The following NLRP14 variants were observed in gnomAD, a reference collection of about 807,000 sequenced individuals.
The protein encoded by NLRP14 is NACHT, LRR and PYD domains-containing protein 14.
Under a neutral mutation model 94.7 loss-of-function variants are expected in NLRP14, and 105 were observed. The observed-to-expected ratio is 1.11, with a 90% CI of 0.95 to 1.30. NLRP14 has a LOEUF of 1.30. Among genes scored for constraint, NLRP14 ranks in the 50% most tolerant of loss-of-function variants. The pLI is 0.00. For missense variants in NLRP14, 1,362 were observed against 1,254.1 expected, an observed-to-expected ratio of 1.09 and a Z score of -1.30; for synonymous variants, 508 against 459.9, an observed-to-expected ratio of 1.10 and a Z score of -1.34.
chr11:7,060,862 A>T (rs12270388), intron 9 of NLRP14, among the ~76,000 whole-genome samples: 7,190 of 152,084 alleles, frequency 0.047, 323 homozygotes, highest in African/African-American at 0.11. Context: ...TGCTGAGAAT[A>T]AAAAAAGAAA....
In NLRP14 at chr11:7,071,189, T is replaced by A; in HGVS notation, c.3163T>A (p.Phe1055Ile). 6.2e-7 allele frequency: 1 copy of A among 1,613,952 alleles called. No individual in the cohort carries two copies. The highest frequency in any genetic ancestry group is 8.5e-7 in the Non-Finnish European group (1 of 1,179,968). ...TTTTCTCAGGTTGTGCAAAGAGGCA[T>A]TTGATGAGGAAGCCCAGAAGCTGCT... is the stretch of plus-strand genomic sequence containing the variant. ...LQVLGLCKEA[F>I]DEEAQKLLEA... is the part of the protein sequence containing the mutation. The change falls in exon 12 of 12, where the codon TTT becomes ATT. Residue 1055 changes from phenylalanine (F) to isoleucine (I), a missense_variant. By Grantham distance (21) the Phe-to-Ile change is conservative. Coordinates refer to ENST00000299481, the MANE Select transcript of NLRP14 (RefSeq NM_176822.4).
intron 10 of NLRP14, among the ~76,000 whole-genome samples, chr11:7,063,587 A>C (rs1034727642): frequency 5.3e-5 from 8 of 152,074 alleles, no homozygotes; most frequent in African/African-American, 1.7e-4. Context: ...CTATGGAAGA[A>C]TATCTCCCCA....
intron 1 of NLRP14, among the ~76,000 whole-genome samples, chr11:7,028,696 C>T (rs1286713258): frequency 6.6e-6 from 1 of 152,116 alleles, no homozygotes; most frequent in African/African-American, 2.4e-5. Flanking sequence ...TCCATTATTT[C>T]GCTGCCTTAT....
At chr11:7,045,914 C>T (rs1198015054) in intron 4 of NLRP14, among the ~76,000 whole-genome samples, 4 of 151,994 alleles carry the variant, frequency 2.6e-5, no homozygotes, top group Non-Finnish European at 5.9e-5. Flanking sequence ...AGCTGAGGCT[C>T]ACATAGGTTA....
At chr11:7,067,237 A>T (rs1852718702) in intron 10 of NLRP14, among the ~76,000 whole-genome samples, 2 of 152,190 alleles carry the variant, frequency 1.3e-5, no homozygotes. Flanking sequence ...AATTCTGTAA[A>T]GAAAGTCAAT....
At chr11:7,078,711 C>A in the NLRP14 span, among the ~76,000 whole-genome samples, 19 of 151,944 alleles carry the variant, frequency 1.3e-4, no homozygotes, top group Admixed American at 1.2e-3. Context: ...TTGCTTGAAC[C>A]CGGGAGGCAG....
chr11:7,083,292 C>G, the NLRP14 span, among the ~76,000 whole-genome samples: 1 of 152,178 alleles, frequency 6.6e-6, no homozygotes, highest in Non-Finnish European at 1.5e-5. Context: ...TTTCAAATGC[C>G]CATTCCAATT....
At chr11:7,066,532 C>T (rs1472460444) in intron 10 of NLRP14, among the ~76,000 whole-genome samples, 2 of 152,154 alleles carry the variant, frequency 1.3e-5, no homozygotes, top group African/African-American at 2.4e-5. Context: ...TGTTCATATC[C>T]TTTGCCCACT....
Position 7,043,032 on chromosome 11 carries a change from G to A in NLRP14, c.1006G>A (p.Glu336Lys). The change falls in exon 4 of 12, where the codon GAG becomes AAG. Residue 336 changes from glutamate to lysine, a missense_variant. By Grantham distance (56) the Glu-to-Lys change is moderately conservative. Coordinates refer to ENST00000299481, the MANE Select transcript of NLRP14 (RefSeq NM_176822.4). ...ELLGMSEDAR[E>K]EYIYQFFEDK... ...ACTAGGAATGTCTGAGGATGCAAGA[G>A]AGGAGTATATTTACCAGTTTTTTGA... 1 of 1,614,182 alleles carries A rather than the reference G, an allele frequency of 6.2e-7. No homozygotes were observed. The highest frequency in any genetic ancestry group is 8.5e-7 in the Non-Finnish European group (1 of 1,179,996).
At chr11:7,055,342 T>C (rs1046717721) in intron 6 of NLRP14, among the ~76,000 whole-genome samples, 1 of 152,080 alleles carries the variant, frequency 6.6e-6, no homozygotes, top group African/African-American at 2.4e-5. Flanking sequence ...CCTGCAACCA[T>C]ATAGCTTCGG....
chr11:7,089,618 G>A, the NLRP14 span: 3 of 1,220,786 alleles, frequency 2.5e-6, no homozygotes, highest in East Asian at 3.8e-5. Context: ...GGGCCGCGCC[G>A]TCGGGCCCGG....
chr11:7,036,680 A>G (rs1291037160), intron 1 of NLRP14, among the ~76,000 whole-genome samples: 2 of 151,910 alleles, frequency 1.3e-5, no homozygotes, highest in Non-Finnish European at 2.9e-5. Context: ...TGTAACAAGG[A>G]GGTTATTGGT....
intron 6 of NLRP14, among the ~76,000 whole-genome samples, chr11:7,051,297 C>T (rs952495874): frequency 5.9e-5 from 9 of 152,186 alleles, no homozygotes; most frequent in Non-Finnish European, 1.0e-4. Context: ...ATTAACATTT[C>T]GTGTGGGAGA....
At chr11:7,053,414 A>G (rs895107901) in intron 6 of NLRP14, among the ~76,000 whole-genome samples, 13 of 150,466 alleles carry the variant, frequency 8.6e-5, no homozygotes, top group African/African-American at 3.2e-4. Flanking sequence ...CTTCCGGTTT[A>G]TAAAGATGCT....
At chr11:7,090,048 G>A in the NLRP14 span, 8 of 1,612,820 alleles carry the variant, frequency 5.0e-6, no homozygotes, top group African/African-American at 1.3e-5. Context: ...CCGCTACGAG[G>A]AGTACCGGGG....
chr11:7,054,774 G>T (rs1852495697), intron 6 of NLRP14, among the ~76,000 whole-genome samples: 1 of 152,052 alleles, frequency 6.6e-6, no homozygotes, highest in South Asian at 2.1e-4. Flanking sequence ...CTTATTGGTT[G>T]TTTCTTTTGC....
chr11:7,026,230 G>T (rs1852012380), intron 1 of NLRP14, among the ~76,000 whole-genome samples: 1 of 152,068 alleles, frequency 6.6e-6, no homozygotes, highest in Admixed American at 6.6e-5. Context: ...CCTACAGAAT[G>T]GGAGAAAATT....
downstream of NLRP14, among the ~76,000 whole-genome samples, chr11:7,075,729 A>T (rs1192909827): frequency 6.6e-6 from 1 of 152,180 alleles, no homozygotes; most frequent in African/African-American, 2.4e-5. Flanking sequence ...CATATCCTAA[A>T]TTCTGGGGCA....
At chr11:7,074,921 A>G (rs1226013787), downstream of NLRP14, among the ~76,000 whole-genome samples, 2 of 152,248 alleles carry the variant, frequency 1.3e-5, no homozygotes, top group African/African-American at 2.4e-5. Flanking sequence ...CATTTGAAGA[A>G]AAAAGGAATA....
Sources: allele counts gnomAD v4.1 joint callset (sites outside exome capture counted in the v4.1 genomes callset), GRCh38; gene constraint gnomAD v4.1.1; transcripts MANE v1.5; gene names NCBI Gene and HGNC (gene_info 2026-07-23, HGNC 2026-07-21).